The following PRAMEF2 variants were observed in gnomAD, a reference collection of about 807,000 sequenced individuals.
PRAMEF2 encodes the protein PRAME family member 2.
Under a neutral mutation model 38.0 loss-of-function variants are expected in PRAMEF2, and 35 were observed. That is an observed-to-expected ratio of 0.92 (90% confidence interval 0.70 to 1.22). The LOEUF (loss-of-function observed/expected upper bound fraction) is 1.22, where lower values mean the gene tolerates loss of function less well. Among genes scored for constraint, PRAMEF2 ranks in the 50% most tolerant of loss-of-function variants. PRAMEF2 has a pLI of 0.00. For synonymous variants in PRAMEF2, 240 were observed against 232.4 expected, an observed-to-expected ratio of 1.03 and a Z score of -0.30; for missense variants, 562 against 553.9, an observed-to-expected ratio of 1.01 and a Z score of -0.15.
rs931428110 is a variant in PRAMEF2 at position 12,861,413 on chromosome 1, C to G, written c.1059C>G (p.Thr353=). The G allele has an allele frequency of 2.5e-6, 4 of 1,602,704 alleles. No individual in the cohort carries two copies. The African/African-American group carries it at 4.0e-5, about 16-fold the overall frequency. ...LLEKIAASLE[T]LVLEGCQIHY... ...AGAAAATTGCTGCCTCTCTCGAGAC[C>G]CTCGTGTTAGAGGGCTGTCAGATCC... is the stretch of plus-strand genomic sequence containing the variant. Residue 353 remains threonine (T), a synonymous_variant, in exon 4 of 4, where the codon ACC becomes ACG. Coordinates refer to ENST00000240189, the MANE Select transcript of PRAMEF2 (RefSeq NM_023014.1).
rs748736549 is a variant in PRAMEF2, at chr1:12,861,333, C to A, written c.979C>A (p.Leu327Ile). ...PSLGYLKHLN[L>I]SYVLLFRISL... Reference sequence around the variant, plus strand: ...CCTCGGTTACCTAAAGCATCTGAATCTCAGCTACGTGCTGCTGTTCCGCAT... The same window carrying A: ...CCTCGGTTACCTAAAGCATCTGAATATCAGCTACGTGCTGCTGTTCCGCAT... Residue 327 changes from leucine to isoleucine, a missense_variant, in exon 4 of 4, where the codon CTC becomes ATC. Leu to Ile is a conservative substitution (Grantham distance 5). Coordinates refer to ENST00000240189, the MANE Select transcript of PRAMEF2 (RefSeq NM_023014.1). 1 of 1,607,064 alleles carries A rather than the reference C, an allele frequency of 6.2e-7. No homozygotes were observed. The highest frequency in any genetic ancestry group is 8.5e-7 in the Non-Finnish European group (1 of 1,176,696).
At position 12,859,290 on chromosome 1, in the gene PRAMEF2, G is replaced by A. The variant is rs149655365; in HGVS notation, c.281G>A (p.Arg94His). 6.6e-3 allele frequency: 10,596 copies of A among 1,609,658 alleles called. 986 individuals carry two copies. In the African/African-American group the frequency reaches 0.13, roughly 19 times the overall value. ...GLHMLLTQKD[R>H]PRRWKLQVLD... ...CATATGCTGCTTACACAGAAGGATC[G>A]CCCCAGGTGAGGTGACCCAGGAGGG... is the stretch of plus-strand genomic sequence containing the variant. Residue 94 changes from arginine (R) to histidine (H), a missense_variant, in exon 2 of 4, where the codon CGC becomes CAC. By Grantham distance (29) the Arg-to-His change is conservative (BLOSUM62 0). Around this residue, in one of 2 missense-constraint regions of PRAMEF2, gnomAD observed 486 missense variants for 444.2 expected, o/e 1.09. Coordinates refer to ENST00000240189, the MANE Select transcript of PRAMEF2 (RefSeq NM_023014.1).
rs1412712180 is a variant in PRAMEF2 at position 12,860,344 on chromosome 1, C to T, written c.866+73C>T. On this transcript the variant is annotated intron_variant, in intron 3 of 3. Transcript: ENST00000240189. Reference sequence around the variant, plus strand: ...TTCTGTTACAGCAAACATTAGAAGGCGTGTACTGTGTGCCAGCCAGTGGCA... The same window carrying T: ...TTCTGTTACAGCAAACATTAGAAGGTGTGTACTGTGTGCCAGCCAGTGGCA... 36 of 1,585,294 alleles carry T rather than the reference C, an allele frequency of 2.3e-5. 1 individual carries two copies. Among genetic ancestry groups the T allele is most frequent in the South Asian group, 6.8e-5 (6 of 88,450 alleles).
At position 12,859,184 on chromosome 1, in the gene PRAMEF2, T is replaced by A. The variant is rs184874532; in HGVS notation, c.175T>A (p.Trp59Arg). The change falls in exon 2 of 4, where the codon TGG (tryptophan) becomes AGG (arginine). Residue 59 changes from tryptophan to arginine, a missense_variant. Trp to Arg is a moderately radical substitution (Grantham distance 101, BLOSUM62 -3). This residue lies in a region of PRAMEF2 where 486 missense variants were observed against 444.2 expected (regional missense o/e 1.09). Transcript: ENST00000240189. ...FQTLTVMVQAWPFTCLPLVSL... is the reference protein window; with the variant it reads ...FQTLTVMVQARPFTCLPLVSL... ...GACTCTGACGGTGATGGTGCAGGCCTGGCCTTTCACCTGCCTCCCTCTGGT... is the reference window on the plus strand; with the variant it reads ...GACTCTGACGGTGATGGTGCAGGCCAGGCCTTTCACCTGCCTCCCTCTGGT... The A allele has an allele frequency of 7.5e-6, 12 of 1,609,198 alleles. No homozygotes were observed. Among genetic ancestry groups the A allele is most frequent in the Non-Finnish European group, 1.0e-5 (12 of 1,177,860 alleles).
chr1:12,861,492 A>C lies in PRAMEF2; in HGVS notation c.1138A>C (p.Thr380Pro), dbSNP rs749607309. The C allele has an allele frequency of 6.2e-7, 1 of 1,606,110 alleles. No homozygotes were observed. Among genetic ancestry groups the C allele is most frequent in the Non-Finnish European group, 8.5e-7 (1 of 1,177,446 alleles). Residue 380 changes from threonine to proline, a missense_variant, in exon 4 of 4, where the codon ACC becomes CCC. By Grantham distance (38) the Thr-to-Pro change is conservative. Coordinates refer to ENST00000240189, the MANE Select transcript of PRAMEF2 (RefSeq NM_023014.1). ...TGGCCTGAGCTGCTGCTCCCAGCTC[A>C]CCACCTTCTACTTTGGCAGCAATTG... The part of the protein sequence containing the change: ...LPGLSCCSQL[T>P]TFYFGSNCMS...
chr1:12,859,487 G>A (rs1640504299), intron 2 of PRAMEF2, among the ~76,000 whole-genome samples, 191 bp downstream of exon 2: 1 of 150,984 alleles, frequency 6.6e-6, no homozygotes, highest in South Asian at 2.1e-4. Flanking sequence ...TCCACTGTGG[G>A]AACAGAAGCC....
chr1:12,861,699 A>G lies in PRAMEF2; in HGVS notation c.1345A>G (p.Arg449Gly), dbSNP rs764433761. ...ACTGAGGGAATTCAGGCAGCCCAAG[A>G]GGATCTTCATTGGCCCCACCCCCTG... ...CTLREFRQPK[R>G]IFIGPTPCPS... is the part of the protein sequence containing the mutation. The change falls in exon 4 of 4, where the codon AGG (arginine) becomes GGG (glycine). Residue 449 changes from arginine (R) to glycine (G), a missense_variant. Physicochemically the swap from Arg to Gly is moderately radical, Grantham distance 125. Around this residue, in one of 2 missense-constraint regions of PRAMEF2, gnomAD observed 76 missense variants for 109.6 expected, o/e 0.69. Coordinates refer to ENST00000240189, the MANE Select transcript of PRAMEF2 (RefSeq NM_023014.1). 6 of 1,575,258 alleles carry G rather than the reference A, an allele frequency of 3.8e-6. No homozygotes were observed. Among genetic ancestry groups the G allele is most frequent in the Non-Finnish European group, 5.2e-6 (6 of 1,156,294 alleles).
chr1:12,858,278 T>C (rs1300119382), intron 1 of PRAMEF2, among the ~76,000 whole-genome samples: 1 of 149,984 alleles, frequency 6.7e-6, no homozygotes. Context: ...TATTTTTGAG[T>C]CAGAGTCCAA....
Position 12,857,833 on chromosome 1 carries a change from G to C in PRAMEF2, c.-26+686G>C, listed in dbSNP as rs1310490020. On this transcript the variant is annotated intron_variant, in intron 1 of 3. Coordinates refer to ENST00000240189, the MANE Select transcript of PRAMEF2 (RefSeq NM_023014.1). ...CCTGCTTCAGCCTCCTGAGTAGCTT[G>C]GATTACAGGCACTCACCACCATGCC... Among the ~76,000 whole-genome samples, 2 of 146,362 alleles carry C rather than the reference G, an allele frequency of 1.4e-5. 1 individual carries two copies. Among genetic ancestry groups the C allele is most frequent in the African/African-American group, 5.1e-5 (2 of 39,020 alleles).
intron 3 of PRAMEF2, among the ~76,000 whole-genome samples, chr1:12,860,695 G>C (rs1487584837): frequency 1.3e-5 from 2 of 150,494 alleles, no homozygotes; most frequent in African/African-American, 4.9e-5. Context: ...GATCACGAAT[G>C]ATCCTGTCTT....
At chr1:12,858,106 C>G (rs2790801) in intron 1 of PRAMEF2, among the ~76,000 whole-genome samples, 1 of 149,738 alleles carries the variant, frequency 6.7e-6, no homozygotes, top group South Asian at 2.1e-4. Context: ...ACTCTGAGTG[C>G]GTCACCCAGA....
chr1:12,859,121 C>A lies in PRAMEF2; in HGVS notation c.112C>A (p.Pro38Thr). ...GGAGCTGCCCAGGGTGCTCTATCTC[C>A]CACTCTTCAGGGAGGCCTTCAGCAG... ...MEELPRVLYL[P>T]LFREAFSRRH... Residue 38 changes from proline to threonine, a missense_variant, in exon 2 of 4, where the codon CCA becomes ACA. Around this residue, in one of 2 missense-constraint regions of PRAMEF2, gnomAD observed 486 missense variants for 444.2 expected, o/e 1.09. Coordinates refer to ENST00000240189, the MANE Select transcript of PRAMEF2 (RefSeq NM_023014.1). 1 of 1,606,598 alleles carries A rather than the reference C, an allele frequency of 6.2e-7. No homozygotes were observed. Among genetic ancestry groups the A allele is most frequent in the Non-Finnish European group, 8.5e-7 (1 of 1,176,738 alleles).
In PRAMEF2 at chr1:12,861,339, T is replaced by G. The variant is rs1477299518; in HGVS notation, c.985T>G (p.Tyr329Asp). Reference sequence around the variant, plus strand: ...TTACCTAAAGCATCTGAATCTCAGCTACGTGCTGCTGTTCCGCATCAGTCT... The same window carrying G: ...TTACCTAAAGCATCTGAATCTCAGCGACGTGCTGCTGTTCCGCATCAGTCT... Reference protein sequence around the residue: ...LGYLKHLNLSYVLLFRISLEP... With the variant: ...LGYLKHLNLSDVLLFRISLEP... The change falls in exon 4 of 4, where the codon TAC (tyrosine) becomes GAC (aspartate). Residue 329 changes from tyrosine to aspartate, a missense_variant. Transcript: ENST00000240189. The G allele has an allele frequency of 1.5e-5, 24 of 1,607,018 alleles. 3 individuals carry two copies. The Admixed American group carries it at 1.7e-4, about 12-fold the overall frequency.
At chr1:12,861,159 A>G in intron 3 of PRAMEF2, 62 bp from the exon 4 acceptor site, 6 of 1,537,658 alleles carry the variant, frequency 3.9e-6, no homozygotes, top group Non-Finnish European at 4.5e-6. Context: ...CCTTGAGGTT[A>G]TTCCCCACTA....
rs756316815 is a variant in PRAMEF2 at position 12,857,556 on chromosome 1, C to T, written c.-26+409C>T. 1.9e-4 allele frequency among the ~76,000 whole-genome samples: 27 copies of T among 141,202 alleles called. 1 individual carries two copies. Among genetic ancestry groups the T allele is most frequent in the Non-Finnish European group, 3.8e-4 (25 of 65,110 alleles). The allele number at this position is 141,202 out of a possible 152,430, so 92.6% of individuals were successfully genotyped here. A position where few individuals can be genotyped will look rare whatever the true frequency, so the allele number is the denominator to read the frequency against. On this transcript the variant is annotated intron_variant, in intron 1 of 3. Transcript: ENST00000240189. ...CACCAATCTCAAGAGTGCAGTTTTG[C>T]TCAGATTGTGGGATTTATTTTTGAC... is the stretch of plus-strand genomic sequence containing the variant.
In PRAMEF2 at chr1:12,860,261, C is replaced by G; in HGVS notation, c.856C>G (p.Gln286Glu). 3.7e-6 allele frequency: 6 copies of G among 1,606,946 alleles called. No homozygotes were observed. Among genetic ancestry groups the G allele is most frequent in the Non-Finnish European group, 4.2e-6 (5 of 1,176,652 alleles). Residue 286 changes from glutamine (Q) to glutamate (E), a missense_variant, in exon 3 of 4, where the codon CAG (glutamine) becomes GAG (glutamate). Gln to Glu is a conservative substitution (Grantham distance 29). Around this residue, in one of 2 missense-constraint regions of PRAMEF2, gnomAD observed 486 missense variants for 444.2 expected, o/e 1.09. Transcript: ENST00000240189. Reference sequence around the variant, plus strand: ...CACCTTCTTCAGTGGGCACCTGGAACAGCTGATCAGGTGAGAAAGGATTGT... The same window carrying G: ...CACCTTCTTCAGTGGGCACCTGGAAGAGCTGATCAGGTGAGAAAGGATTGT... ...LITFFSGHLE[Q>E]LIRCLQNPLE...
chr1:12,858,259 C>T (rs1640478550), intron 1 of PRAMEF2, among the ~76,000 whole-genome samples: 1 of 149,722 alleles, frequency 6.7e-6, no homozygotes, highest in South Asian at 2.1e-4. Flanking sequence ...ATTAATTTAT[C>T]AATTTGTTTA....
At position 12,860,271 on chromosome 1, in the gene PRAMEF2, G is replaced by C. The variant is rs778171098; in HGVS notation, c.866G>C (p.Arg289Thr). Residue 289 changes from arginine (R) to threonine (T), a missense_variant and splice_region_variant, in exon 3 of 4, where the codon AGG (arginine) becomes ACG (threonine). Physicochemically the swap from Arg to Thr is moderately conservative, Grantham distance 71. This residue lies in a region of PRAMEF2 where 486 missense variants were observed against 444.2 expected (regional missense o/e 1.09). Transcript: ENST00000240189. ...AGTGGGCACCTGGAACAGCTGATCA[G>C]GTGAGAAAGGATTGTGCACTTTGTA... is the stretch of plus-strand genomic sequence containing the variant. ...FFSGHLEQLI[R>T]CLQNPLENLE... 6.2e-7 allele frequency: 1 copy of C among 1,606,664 alleles called. No homozygotes were observed. Among genetic ancestry groups the C allele is most frequent in the Non-Finnish European group, 8.5e-7 (1 of 1,176,514 alleles).
chr1:12,861,481 G>C lies in PRAMEF2; in HGVS notation c.1127G>C (p.Cys376Ser), dbSNP rs756610160. Residue 376 changes from cysteine to serine, a missense_variant, in exon 4 of 4, where the codon TGC becomes TCC. Coordinates refer to ENST00000240189, the MANE Select transcript of PRAMEF2 (RefSeq NM_023014.1). ...GCCATCCTGCCTGGCCTGAGCTGCT[G>C]CTCCCAGCTCACCACCTTCTACTTT... is the stretch of plus-strand genomic sequence containing the variant. The part of the protein sequence containing the change: ...LSAILPGLSC[C>S]SQLTTFYFGS... 6.8e-6 allele frequency: 11 copies of C among 1,605,974 alleles called. No homozygotes were observed. The African/African-American group carries it at 8.1e-5, about 12-fold the overall frequency.
Sources: allele counts gnomAD v4.1 joint callset (sites outside exome capture counted in the v4.1 genomes callset), GRCh38; gene constraint gnomAD v4.1.1; regional missense constraint gnomAD v4.1.1; transcripts MANE v1.5; gene names NCBI Gene and HGNC (gene_info 2026-07-23, HGNC 2026-07-21).